Variants in ALDH1A1 observed in about 807,000 individuals in gnomAD.
ALDH1A1 encodes the protein aldehyde dehydrogenase 1A1.
ALDH1A1 carries 19 observed loss-of-function variants against 62.1 expected under a neutral mutation model. The ratio of observed to expected loss-of-function variants is 0.31; its 90% CI spans 0.21 to 0.45. ALDH1A1 has a LOEUF of 0.45. ALDH1A1 is among the 20% of genes least tolerant of loss of function. ALDH1A1 has a pLI of 1.00. For missense variants in ALDH1A1, 521 were observed against 607.1 expected, an observed-to-expected ratio of 0.86 and a Z score of 1.49; for synonymous variants, 231 against 215.9, an observed-to-expected ratio of 1.07 and a Z score of -0.61.
intron 10 of ALDH1A1, among the ~76,000 whole-genome samples, chr9:72,911,265 A>C (rs1564624417): frequency 1.3e-5 from 2 of 152,160 alleles, no homozygotes. Flanking sequence ...GAGGGGATGA[A>C]TGCTGTTTTC....
intron 1 of ALDH1A1, among the ~76,000 whole-genome samples, chr9:72,952,555 A>G (rs369001154): frequency 1.3e-5 from 2 of 151,892 alleles, no homozygotes; most frequent in East Asian, 3.9e-4. Context: ...TTTGCTTTCT[A>G]TTGTTCCTAC....
rs150106379 is a variant in ALDH1A1 at position 72,938,411 on chromosome 9, G to A, written c.171+1737C>T. On this transcript the variant is annotated intron_variant, in intron 2 of 12. Coordinates refer to ENST00000297785, the MANE Select transcript of ALDH1A1 (RefSeq NM_000689.5). ...TTTTTACTCTCCTCACCCAGGAGGA[G>A]AATAAAAAGTTTATTTAATATTATG... Among the ~76,000 whole-genome samples the A allele has an allele frequency of 2.8e-4, 43 of 152,164 alleles. No homozygotes were observed. In the East Asian group the frequency reaches 8.1e-3, roughly 29 times the overall value.
intron 8 of ALDH1A1, among the ~76,000 whole-genome samples, chr9:72,917,731 G>A (rs148933592): frequency 3.8e-4 from 58 of 152,108 alleles, no homozygotes; most frequent in Admixed American, 3.5e-3. Context: ...TATTTTAGGC[G>A]ATAAAATGTG....
intron 2 of ALDH1A1, 95 bp downstream of exon 2, chr9:72,940,053 C>A: frequency 1.2e-6 from 1 of 820,930 alleles, no homozygotes. Context: ...ATTTTCATGG[C>A]ATGTCTTTTG....
At chr9:72,908,504 GACGAAAGA>G (rs1359213024) in intron 11 of ALDH1A1, among the ~76,000 whole-genome samples, 15 of 31,802 alleles carry the variant, frequency 4.7e-4, no homozygotes, top group South Asian at 9.0e-4. Context: ...GAGAGAGAGA[GACGAAAGA>G]AAGAAAGAAA....
At chr9:72,915,328 C>T (rs1228206788) in intron 9 of ALDH1A1, among the ~76,000 whole-genome samples, 1 of 151,984 alleles carries the variant, frequency 6.6e-6, no homozygotes, top group African/African-American at 2.4e-5. Context: ...AAAGTACTGC[C>T]CAACAATTAG....
chr9:72,925,402 T>G (rs768212750), intron 6 of ALDH1A1, 82 bp downstream of exon 6: 5 of 1,512,992 alleles, frequency 3.3e-6, no homozygotes, highest in Non-Finnish European at 4.5e-6. Context: ...TAATGTACTT[T>G]ATAGTAGCAA....
intron 2 of ALDH1A1, among the ~76,000 whole-genome samples, chr9:72,937,101 T>C (rs756361762): frequency 4.6e-5 from 7 of 152,176 alleles, no homozygotes; most frequent in Non-Finnish European, 1.0e-4. Flanking sequence ...GTCAGGTTAG[T>C]ACTAAATTCC....
intron 1 of ALDH1A1, among the ~76,000 whole-genome samples, chr9:72,952,309 C>T (rs1482039239): frequency 6.6e-6 from 1 of 151,944 alleles, no homozygotes; most frequent in Non-Finnish European, 1.5e-5. Flanking sequence ...GGATCTAGCT[C>T]CTGCTCTTGT....
chr9:72,950,636 A>G (rs928508205), intron 1 of ALDH1A1, among the ~76,000 whole-genome samples: 1 of 151,758 alleles, frequency 6.6e-6, no homozygotes, highest in Non-Finnish European at 1.5e-5. Context: ...TTTCTATCGT[A>G]GTTGTAATAT....
At chr9:72,915,895 T>C (rs1026090057) in intron 9 of ALDH1A1, among the ~76,000 whole-genome samples, 1 of 152,156 alleles carries the variant, frequency 6.6e-6, no homozygotes, top group African/African-American at 2.4e-5. Context: ...AGTGAATGAG[T>C]CAAGAATAGC....
chr9:72,921,503 CTT>C (rs11327072), intron 7 of ALDH1A1, among the ~76,000 whole-genome samples: 10,654 of 109,558 alleles, frequency 0.097, 387 homozygotes, highest in African/African-American at 0.14. Flanking sequence ...ACATTTAATT[CTT>C]TTTTTTTTTT....
intron 7 of ALDH1A1, among the ~76,000 whole-genome samples, chr9:72,921,876 G>A (rs1830150729): frequency 6.6e-6 from 1 of 151,988 alleles, no homozygotes; most frequent in Admixed American, 6.5e-5. Flanking sequence ...CTCAGATGGG[G>A]TGTTTTAAAA....
intron 8 of ALDH1A1, among the ~76,000 whole-genome samples, chr9:72,917,319 T>A (rs1830078610): frequency 6.6e-6 from 1 of 151,988 alleles, no homozygotes; most frequent in African/African-American, 2.4e-5. Context: ...TCTGAAAAAA[T>A]AGTGGTTACT....
At chr9:72,948,893 G>A (rs1274820007) in intron 1 of ALDH1A1, among the ~76,000 whole-genome samples, 1 of 151,746 alleles carries the variant, frequency 6.6e-6, no homozygotes, top group Non-Finnish European at 1.5e-5. Context: ...GGACAAAGGA[G>A]GTATTTGGAA....
At chr9:72,945,007 TC>T (rs1248646849) in intron 1 of ALDH1A1, among the ~76,000 whole-genome samples, 1 of 152,096 alleles carries the variant, frequency 6.6e-6, no homozygotes, top group East Asian at 1.9e-4. Context: ...AAGAAATGCA[TC>T]ATTTTACCTT....
chr9:72,906,154 C>T, intron 11 of ALDH1A1, 122 bp from the exon 12 acceptor site: 1 of 612,732 alleles, frequency 1.6e-6, no homozygotes, highest in African/African-American at 1.9e-5. Context: ...ATAACATACT[C>T]ATCTTGATAA....
chr9:72,907,416 A>C (rs866623330), intron 11 of ALDH1A1, among the ~76,000 whole-genome samples: 1 of 152,172 alleles, frequency 6.6e-6, no homozygotes, highest in Non-Finnish European at 1.5e-5. Context: ...TCTGTTTTTC[A>C]TAATAGAGGA....
intron 1 of ALDH1A1, among the ~76,000 whole-genome samples, chr9:72,943,570 G>A (rs1021258007): frequency 3.3e-5 from 5 of 152,138 alleles, no homozygotes; most frequent in African/African-American, 4.8e-5. Flanking sequence ...TACCAGCACT[G>A]TTCTGCATTA....
Sources: allele counts gnomAD v4.1 joint callset (sites outside exome capture counted in the v4.1 genomes callset), GRCh38; gene constraint gnomAD v4.1.1; transcripts MANE v1.5; gene names NCBI Gene and HGNC (gene_info 2026-07-23, HGNC 2026-07-21).